RERE: variants seen among roughly 807,000 people sequenced by gnomAD.
RERE encodes the protein arginine-glutamic acid dipeptide repeats, also known as arginine-glutamic acid dipeptide repeats protein.
RERE carries 40 observed loss-of-function variants against 146.1 expected under a neutral mutation model. The ratio of observed to expected loss-of-function variants is 0.27; its 90% confidence interval spans 0.21 to 0.36. The LOEUF (loss-of-function observed/expected upper bound fraction) is 0.36. RERE is among the 10% of genes least tolerant of loss of function. RERE has a pLI of 1.00. For missense variants in RERE, 1,933 were observed against 2,138.7 expected, an observed-to-expected ratio of 0.90 and a Z score of 1.90; for synonymous variants, 1,003 against 866.0, an observed-to-expected ratio of 1.16 and a Z score of -2.78.
At chr1:8,578,117 G>C (rs1272946241) in intron 4 of RERE, among the ~76,000 whole-genome samples, 1 of 152,022 alleles carries the variant, frequency 6.6e-6, no homozygotes, top group Non-Finnish European at 1.5e-5. Context: ...GGGCGGGGGG[G>C]AGAGGAAATC....
chr1:8,622,136 T>G (rs954920221), intron 3 of RERE, among the ~76,000 whole-genome samples: 1 of 152,192 alleles, frequency 6.6e-6, no homozygotes, highest in Non-Finnish European at 1.5e-5. Context: ...TAGCTTTTAT[T>G]GCTGTTAATA....
intron 12 of RERE, among the ~76,000 whole-genome samples, chr1:8,411,866 T>C (rs897205712): frequency 6.6e-6 from 1 of 152,244 alleles, no homozygotes; most frequent in Non-Finnish European, 1.5e-5. Context: ...ACTAGCCATC[T>C]ATACAGATTC....
intron 4 of RERE, among the ~76,000 whole-genome samples, chr1:8,591,983 T>C (rs1441271480): frequency 6.6e-6 from 1 of 152,190 alleles, no homozygotes; most frequent in Non-Finnish European, 1.5e-5. Context: ...TAATAAACTT[T>C]GGCTTAACAC....
intron 1 of RERE, among the ~76,000 whole-genome samples, chr1:8,700,772 A>G (rs1178241887): frequency 6.6e-6 from 1 of 152,144 alleles, no homozygotes. Context: ...TTTTTACACA[A>G]AATATTGGCT....
intron 6 of RERE, among the ~76,000 whole-genome samples, chr1:8,551,138 G>A (rs1416786157): frequency 1.3e-5 from 2 of 151,806 alleles, no homozygotes; most frequent in Non-Finnish European, 2.9e-5. Flanking sequence ...CTTTCCCCAA[G>A]TGACTCCTCC....
In RERE at chr1:8,423,814, G is replaced by C; in HGVS notation, c.1204-1007C>G. 1 of 528,270 alleles carries C rather than the reference G, an allele frequency of 1.9e-6. No homozygotes were observed. The allele number at this position is 528,270 out of a possible 1,614,324, so 32.7% of individuals were successfully genotyped here. A position where few individuals can be genotyped will look rare whatever the true frequency, so the allele number is the denominator to read the frequency against. On this transcript the variant is annotated intron_variant, in intron 11 of 22. Transcript: ENST00000400908. The surrounding 1 kb of genome is among the most constrained non-coding windows in gnomAD (Gnocchi z 5.4). ...GCGGCGCGCAGAGCCCGGCGCGGCC[G>C]CGGGCGGCTGCAAAAGGCGGCCTGG...
intron 12 of RERE, among the ~76,000 whole-genome samples, chr1:8,420,913 C>T (rs1462804328): frequency 6.6e-6 from 1 of 152,138 alleles, no homozygotes; most frequent in Non-Finnish European, 1.5e-5. Context: ...CGGAGTCACA[C>T]ATCATCAATA....
chr1:8,817,461 A>ATT lies in RERE; in HGVS notation c.-448_-447dup, dbSNP rs56059603. ...AGGGGGCTCCCTGAGGATGATGGTG[A>ATT]TTTTTTTTTTTTTTTAATCCTCAAC... On this transcript the variant is annotated 5_prime_UTR_variant, in exon 1 of 23. Transcript: ENST00000400908. 74,205 of 142,368 alleles carry ATT rather than the reference A, an allele frequency of 0.52. 19,618 individuals carry two copies. The highest frequency in any genetic ancestry group is 0.8 in the East Asian group (3,826 of 4,810). The allele number at this position is 142,368 out of a possible 1,614,324, so 8.8% of individuals were successfully genotyped here. A position where few individuals can be genotyped will look rare whatever the true frequency, so the allele number is the denominator to read the frequency against.
intron 11 of RERE, among the ~76,000 whole-genome samples, chr1:8,443,306 C>T (rs935710015): frequency 6.6e-6 from 1 of 151,508 alleles, no homozygotes; most frequent in Non-Finnish European, 1.5e-5. Flanking sequence ...ACTAAAGATA[C>T]AAAAAATTAG....
At chr1:8,583,085 G>T (rs1646387574) in intron 4 of RERE, among the ~76,000 whole-genome samples, 1 of 152,216 alleles carries the variant, frequency 6.6e-6, no homozygotes, top group Non-Finnish European at 1.5e-5. Context: ...TGGCAGCCAT[G>T]AGAGATAATG....
intron 7 of RERE, among the ~76,000 whole-genome samples, chr1:8,529,170 C>T (rs1460895185): frequency 6.6e-6 from 1 of 151,996 alleles, no homozygotes; most frequent in Non-Finnish European, 1.5e-5. Context: ...CTTTCTTGTA[C>T]TAGTCTCATA....
chr1:8,564,883 TAA>T (rs1215903534), intron 4 of RERE, among the ~76,000 whole-genome samples: 5 of 150,222 alleles, frequency 3.3e-5, no homozygotes, highest in African/African-American at 1.2e-4. Context: ...TATATATATA[TAA>T]AACTACTATT....
chr1:8,517,517 T>C (rs1279826460), intron 7 of RERE, among the ~76,000 whole-genome samples: 1 of 152,204 alleles, frequency 6.6e-6, no homozygotes, highest in East Asian at 1.9e-4. Flanking sequence ...AAAGAAGGAA[T>C]TTCTCTGTGT....
intron 7 of RERE, among the ~76,000 whole-genome samples, chr1:8,531,445 C>CAA (rs59456624): frequency 2.4e-5 from 3 of 126,242 alleles, no homozygotes; most frequent in Non-Finnish European, 5.1e-5. Context: ...TCCACCTCAA[C>CAA]AAAAAAAAAA....
chr1:8,571,951 T>C (rs1399808771), intron 4 of RERE, among the ~76,000 whole-genome samples: 1 of 152,164 alleles, frequency 6.6e-6, no homozygotes, highest in Non-Finnish European at 1.5e-5. Context: ...CATTTTAAAA[T>C]AGGGTAATTT....
chr1:8,426,289 C>T (rs1644011599), intron 11 of RERE, among the ~76,000 whole-genome samples: 1 of 151,936 alleles, frequency 6.6e-6, no homozygotes, highest in South Asian at 2.1e-4. Flanking sequence ...CCCGTCTCTA[C>T]TAAAAATACA....
At chr1:8,594,472 G>T (rs1157603348) in intron 4 of RERE, among the ~76,000 whole-genome samples, 2 of 152,166 alleles carry the variant, frequency 1.3e-5, no homozygotes, top group Admixed American at 6.5e-5. Context: ...AGAATGTACT[G>T]CATTTTACAG....
At chr1:8,736,324 A>C (rs1362917968) in intron 1 of RERE, among the ~76,000 whole-genome samples, 1 of 152,128 alleles carries the variant, frequency 6.6e-6, no homozygotes, top group East Asian at 1.9e-4. Context: ...CTCCTGCCTC[A>C]GCCTCTTGAG....
intron 13 of RERE, 134 bp downstream of exon 13, chr1:8,365,676 TCA>T: frequency 1.1e-6 from 1 of 918,756 alleles, no homozygotes; most frequent in South Asian, 1.7e-5. Flanking sequence ...AGGTCAGGCT[TCA>T]CACATGCACT....
Sources: gnomAD v4.1 joint callset for allele counts (sites outside exome capture counted in the v4.1 genomes callset) on GRCh38, gnomAD v4.1.1 for gene constraint, Gnocchi (gnomAD v3.1) non-coding constraint, MANE v1.5 for transcripts, NCBI Gene and HGNC (gene_info 2026-07-23, HGNC 2026-07-21) for gene names.